Variants in PECAM1 observed in about 807,000 individuals in gnomAD.
PECAM1 encodes platelet endothelial cell adhesion molecule.
In PECAM1, 8 loss-of-function variants were observed where a neutral mutation model predicts 13.8. That is an observed-to-expected ratio of 0.58 (90% CI 0.34 to 1.05). The LOEUF (loss-of-function observed/expected upper bound fraction) is 1.05, where lower values mean the gene tolerates loss of function less well. Ranked by LOEUF, PECAM1 falls within the 50% of genes least tolerant of loss-of-function variation. The probability of loss-of-function intolerance (pLI) is 0.03; values close to 1 mark genes in which losing one functional copy is unlikely to be tolerated. For synonymous variants in PECAM1, 136 were observed against 52.6 expected (o/e 2.58, Z -6.86); for missense variants, 304 against 141.2 (o/e 2.15, Z -5.84).
At chr17:64,365,416 C>T (rs1271955052) in intron 5 of PECAM1, among the ~76,000 whole-genome samples, 2 of 150,098 alleles carry the variant, frequency 1.3e-5, no homozygotes, top group African/African-American at 4.9e-5. Flanking sequence ...TTTATAGATT[C>T]AATGCCATCC....
chr17:64,333,715 T>A (rs2143698174), intron 14 of PECAM1, among the ~76,000 whole-genome samples: 1 of 151,912 alleles, frequency 6.6e-6, no homozygotes, highest in Non-Finnish European at 1.5e-5. Context: ...CCCAGCACTT[T>A]GGGAGGCTGA....
intron 6 of PECAM1, among the ~76,000 whole-genome samples, chr17:64,362,328 G>A (rs1372508023): frequency 2.6e-5 from 4 of 152,276 alleles, no homozygotes; most frequent in Admixed American, 6.5e-5. Flanking sequence ...TTTTGGGTTA[G>A]CCAGGATACA....
chr17:64,388,634 C>A (rs1474488721), intron 2 of PECAM1, among the ~76,000 whole-genome samples: 2 of 152,134 alleles, frequency 1.3e-5, no homozygotes, highest in Non-Finnish European at 2.9e-5. Context: ...GCCCAGCCAA[C>A]TGCCTCTCTC....
chr17:64,323,644 T>G lies in PECAM1; in HGVS notation c.*172A>C, dbSNP rs569658517. ...CCTCTGTATCTCTTTCTACCCAACA[T>G]TAACTTAGCAGGATGGATTTAAGAA... On this transcript the variant is annotated 3_prime_UTR_variant, in exon 16 of 16. Transcript: ENST00000563924. 4.1e-5 allele frequency: 61 copies of G among 1,472,338 alleles called. No homozygotes were observed. The East Asian group carries it at 1.4e-3, about 35-fold the overall frequency. 91.2% of individuals were successfully genotyped at this position (1,472,338 alleles called of 1,614,324 possible).
chr17:64,339,817 A>T (rs1240051641), intron 14 of PECAM1, among the ~76,000 whole-genome samples: 1 of 152,214 alleles, frequency 6.6e-6, no homozygotes, highest in African/African-American at 2.4e-5. Flanking sequence ...TATTTCAGAT[A>T]AAAAGCAGGG....
intron 2 of PECAM1, among the ~76,000 whole-genome samples, chr17:64,385,537 C>G (rs2036574018): frequency 7.1e-6 from 1 of 141,734 alleles, no homozygotes; most frequent in Non-Finnish European, 1.5e-5. Flanking sequence ...CTACCCGAAT[C>G]TCAAGCATCT....
At chr17:64,338,239 ATT>A (rs149206249) in intron 14 of PECAM1, among the ~76,000 whole-genome samples, 32,612 of 108,878 alleles carry the variant, frequency 0.3, 4,371 homozygotes, top group East Asian at 0.33. Flanking sequence ...ATTTTTTAAA[ATT>A]TTTTTTTTTT....
chr17:64,382,950 G>C (rs987855129), intron 2 of PECAM1, among the ~76,000 whole-genome samples: 3 of 152,090 alleles, frequency 2.0e-5, no homozygotes, highest in Admixed American at 1.3e-4. Flanking sequence ...TGAGGCAGAA[G>C]AATCACTTGA....
chr17:64,361,839 T>A (rs1472918352), intron 6 of PECAM1, among the ~76,000 whole-genome samples: 1 of 152,040 alleles, frequency 6.6e-6, no homozygotes, highest in African/African-American at 2.4e-5. Context: ...AGGTCATTAT[T>A]TAGGCATTAG....
In PECAM1 at chr17:64,319,512, G is replaced by A. The variant is rs1263711403; in HGVS notation, c.*4304C>T. On this transcript the variant is annotated 3_prime_UTR_variant, in exon 16 of 16. Coordinates refer to ENST00000563924, the MANE Select transcript of PECAM1 (RefSeq NM_000442.5). ...CAGGCAGGCAACTTGAGAGATCTAA[G>A]TGCCCTGCCTGACCCTTAACTTGGG... 6.6e-6 allele frequency: 1 copy of A among 152,136 alleles called. No individual in the cohort carries two copies. Among genetic ancestry groups the A allele is most frequent in the Non-Finnish European group, 1.5e-5 (1 of 68,012 alleles). 9.4% of individuals were successfully genotyped at this position (152,136 alleles called of 1,614,324 possible).
chr17:64,348,345 CTTG>C (rs1451549545), intron 12 of PECAM1, 23 bp from the exon 13 acceptor site: 5 of 473,894 alleles, frequency 1.1e-5, no homozygotes, highest in Non-Finnish European at 1.9e-5. Context: ...ACCACAGCAG[CTTG>C]TTGTTTAGGT....
At chr17:64,335,200 G>T (rs1486773207) in intron 14 of PECAM1, among the ~76,000 whole-genome samples, 3 of 152,160 alleles carry the variant, frequency 2.0e-5, no homozygotes, top group African/African-American at 7.2e-5. Flanking sequence ...TCACAGAGAA[G>T]GTGACCAAGG....
chr17:64,362,321 T>G (rs1278921391), intron 6 of PECAM1, among the ~76,000 whole-genome samples: 1 of 152,196 alleles, frequency 6.6e-6, no homozygotes, highest in Non-Finnish European at 1.5e-5. Context: ...CTTACCCTTT[T>G]GGGTTAGCCA....
At chr17:64,380,108 A>G (rs1251312610) in intron 2 of PECAM1, among the ~76,000 whole-genome samples, 1 of 151,826 alleles carries the variant, frequency 6.6e-6, no homozygotes, top group Non-Finnish European at 1.5e-5. Context: ...AAGGTGGGTG[A>G]ATCACCTGAG....
Position 64,324,060 on chromosome 17 carries a change from C to T in PECAM1, c.2188-215G>A, listed in dbSNP as rs562141400. ...ATACACGTGGCCCCTCAGAAGACAA[C>T]ATTTCACAGATCTGCAAAGAATAAA... On this transcript the variant is annotated intron_variant, in intron 15 of 15. Coordinates refer to ENST00000563924, the MANE Select transcript of PECAM1 (RefSeq NM_000442.5). The T allele has an allele frequency of 4.7e-4, 382 of 813,348 alleles. 2 individuals are homozygous for T. Among genetic ancestry groups the T allele is most frequent in the South Asian group, 8.5e-4 (59 of 69,714 alleles). 50.4% of individuals were successfully genotyped at this position (813,348 alleles called of 1,614,324 possible). A position where few individuals can be genotyped will look rare whatever the true frequency, so the allele number is the denominator to read the frequency against.
rs997337505 is a variant in PECAM1, at chr17:64,348,246, C to T, written c.2107+14G>A. 468 of 475,150 alleles carry T rather than the reference C, an allele frequency of 9.8e-4. 3 individuals are homozygous for T. The highest frequency in any genetic ancestry group is 1.5e-3 in the Non-Finnish European group (399 of 258,976). 29.4% of individuals were successfully genotyped at this position (475,150 alleles called of 1,614,324 possible). A position where few individuals can be genotyped will look rare whatever the true frequency, so the allele number is the denominator to read the frequency against. On this transcript the variant is annotated intron_variant, in intron 13 of 15. Transcript: ENST00000563924. ...CAAAGGCAATGCCTGGGGACTCACT[C>T]GAGTGGCACTTACCTTTGTGAGACT...
intron 2 of PECAM1, among the ~76,000 whole-genome samples, chr17:64,381,435 A>T: frequency 6.6e-6 from 1 of 152,288 alleles, no homozygotes; most frequent in East Asian, 1.9e-4. Flanking sequence ...TAATTTTTAT[A>T]AGTGGTCCCA....
intron 14 of PECAM1, among the ~76,000 whole-genome samples, chr17:64,334,687 T>C: frequency 6.6e-6 from 1 of 152,214 alleles, no homozygotes; most frequent in East Asian, 1.9e-4. Flanking sequence ...TTTTGTATTT[T>C]TAGTAGAGAT....
intron 5 of PECAM1, among the ~76,000 whole-genome samples, chr17:64,364,823 A>C (rs2036066339): frequency 1.3e-5 from 2 of 151,924 alleles, no homozygotes; most frequent in South Asian, 2.1e-4. Context: ...GACGTATCTC[A>C]AAATAATAAG....
Sources: allele counts gnomAD v4.1 joint callset (sites outside exome capture counted in the v4.1 genomes callset), GRCh38; gene constraint gnomAD v4.1.1; transcripts MANE v1.5; gene names NCBI Gene and HGNC (gene_info 2026-07-23, HGNC 2026-07-21).